KRT33A: variants seen among roughly 807,000 people sequenced by gnomAD.
KRT33A encodes keratin, type I cuticular Ha3-I.
KRT33A carries 44 observed loss-of-function variants against 41.1 expected under a neutral mutation model. That is an observed-to-expected ratio of 1.07 (90% confidence interval 0.84 to 1.38). KRT33A has a LOEUF of 1.38. Ranked by LOEUF, KRT33A falls within the 40% of genes most tolerant of loss-of-function variation. KRT33A has a pLI of 0.00. For synonymous variants in KRT33A, 229 were observed against 227.8 expected, an observed-to-expected ratio of 1.01 and a Z score of -0.05; for missense variants, 536 against 518.5, an observed-to-expected ratio of 1.03 and a Z score of -0.33.
In KRT33A at chr17:41,346,137, G is replaced by A; in HGVS notation, c.1197C>T (p.Cys399=). The change falls in exon 7 of 7, where the codon TGC becomes TGT. Residue 399 remains cysteine (C), a synonymous_variant. Coordinates refer to ENST00000007735, the MANE Select transcript of KRT33A (RefSeq NM_004138.4). Reference sequence around the variant, plus strand: ...GGGGCCTCTAGTACCCAAATGTGTTGCAAGGCCCACACCGAGCACGTAGGC... The same window carrying A: ...GGGGCCTCTAGTACCCAAATGTGTTACAAGGCCCACACCGAGCACGTAGGC... ...PCGLRARCGP[C]NTFGY The A allele has an allele frequency of 1.2e-6, 2 of 1,613,212 alleles. No homozygotes were observed. The highest frequency in any genetic ancestry group is 1.1e-5 in the South Asian group (1 of 91,058).
intron 6 of KRT33A, 60 bp from the exon 7 acceptor site, chr17:41,346,296 T>C (rs1041639744): frequency 7.0e-6 from 11 of 1,581,062 alleles, no homozygotes; most frequent in Non-Finnish European, 7.8e-6. Context: ...GATTGGAAAA[T>C]ACTAAAAGGG....
At chr17:41,348,365 G>T (rs938203512) in intron 3 of KRT33A, 118 bp downstream of exon 3, 20 of 1,014,822 alleles carry the variant, frequency 2.0e-5, no homozygotes, top group African/African-American at 6.5e-5. Flanking sequence ...ATCCCTTTTT[G>T]TATGCAGAAT....
chr17:41,350,366 C>A, intron 1 of KRT33A, 54 bp downstream of exon 1: 1 of 1,578,966 alleles, frequency 6.3e-7, no homozygotes, highest in Non-Finnish European at 8.6e-7. Context: ...AATCACAACT[C>A]GGATTCTCTC....
At chr17:41,348,294 G>A (rs2017453354) in intron 3 of KRT33A, among the ~76,000 whole-genome samples, 189 bp downstream of exon 3, 1 of 152,228 alleles carries the variant, frequency 6.6e-6, no homozygotes, top group Non-Finnish European at 1.5e-5. Context: ...TCTCATTCCT[G>A]CCTCTGGCAG....
chr17:41,348,762 GT>G, intron 2 of KRT33A, 123 bp from the exon 3 acceptor site: 3 of 1,046,128 alleles, frequency 2.9e-6, no homozygotes, highest in Non-Finnish European at 4.2e-6. Context: ...CATCTCTTTT[GT>G]TTAGGTTTTC....
rs368692539 is a variant in KRT33A at position 41,350,750 on chromosome 17, G to A, written c.18C>T (p.Gly6=). 8 of 1,611,588 alleles carry A rather than the reference G, an allele frequency of 5.0e-6. No individual in the cohort carries two copies. The highest frequency in any genetic ancestry group is 1.1e-5 in the South Asian group (1 of 90,970). MSYSC[G]LPSLSCRTSC... ...TGGTGCGGCAGCTCAGGCTGGGCAG[G>A]CCACAACTGTAAGACATGGTGCAGG... Residue 6 remains glycine (G), a synonymous_variant, in exon 1 of 7, where the codon GGC becomes GGT. Coordinates refer to ENST00000007735, the MANE Select transcript of KRT33A (RefSeq NM_004138.4).
At chr17:41,349,312 G>A (rs369103132) in intron 2 of KRT33A, 34 bp downstream of exon 2, 165 of 1,605,766 alleles carry the variant, frequency 1.0e-4, no homozygotes, top group Non-Finnish European at 1.3e-4. Context: ...CCAGAGAAGA[G>A]AAATAAACAG....
Position 41,350,657 on chromosome 17 carries a change from G to T in KRT33A, c.111C>A (p.Ile37=), listed in dbSNP as rs1415556836. 11 of 1,612,176 alleles carry T rather than the reference G, an allele frequency of 6.8e-6. No individual in the cohort carries two copies. Among genetic ancestry groups the T allele is most frequent in the Middle Eastern group, 1.9e-4 (1 of 5,342 alleles). The change falls in exon 1 of 7, where the codon ATC becomes ATA. Residue 37 remains isoleucine (I), a synonymous_variant. Transcript: ENST00000007735. ...HGCTLPGACN[I]PANVSNCNWF... ...AGTTGCAGTTGCTCACATTGGCGGG[G>T]ATGTTGCAGGCCCCGGGCAGGGTGC... is the stretch of plus-strand genomic sequence containing the variant.
Position 41,349,448 on chromosome 17 carries a change from C to A in KRT33A, c.349-20G>T, listed in dbSNP as rs368481260. 1.6e-4 allele frequency: 252 copies of A among 1,613,276 alleles called. No homozygotes were observed. The highest frequency in any genetic ancestry group is 2.0e-4 in the Non-Finnish European group (233 of 1,179,498). ...CAGGATCTAGAAGGCCCAAAACATT[C>A]AAGAATGAGCAAGGACTTGGTAATT... On this transcript the variant is annotated intron_variant, in intron 1 of 6. Transcript: ENST00000007735.
At chr17:41,347,254 A>G (rs2017440265) in intron 3 of KRT33A, 32 bp from the exon 4 acceptor site, 4 of 1,571,598 alleles carry the variant, frequency 2.5e-6, no homozygotes, top group African/African-American at 2.7e-5. Context: ...TTTAAATTTC[A>G]CAAAGGATCT....
chr17:41,346,713 A>G (rs375957624), intron 5 of KRT33A, 45 bp from the exon 6 acceptor site: 7 of 1,612,202 alleles, frequency 4.3e-6, no homozygotes, highest in East Asian at 2.2e-5. Context: ...GCTCCTTATA[A>G]GGTTCCTCCA....
chr17:41,346,452 A>T lies in KRT33A; in HGVS notation c.1093T>A (p.Cys365Ser). ...TYRSLLESED[C>S]KLPSNPCATT... is the part of the protein sequence containing the mutation. ...GATTACTACCCCCATACTGACTTGC[A>T]GTCCTCGCTCTCCAGCAGGCTCCGG... The change falls in exon 6 of 7, where the codon TGC (cysteine) becomes AGC (serine). Residue 365 changes from cysteine to serine, a missense_variant. By Grantham distance (112) the Cys-to-Ser change is moderately radical (BLOSUM62 -1). Transcript: ENST00000007735. 6.2e-7 allele frequency: 1 copy of T among 1,614,020 alleles called. No individual in the cohort carries two copies. The highest frequency in any genetic ancestry group is 1.7e-4 in the Middle Eastern group (1 of 6,016).
At chr17:41,347,731 T>C (rs2017446336) in intron 3 of KRT33A, among the ~76,000 whole-genome samples, 1 of 152,226 alleles carries the variant, frequency 6.6e-6, no homozygotes, top group African/African-American at 2.4e-5. Context: ...AAGTATCTGT[T>C]TACTTCCCTG....
In KRT33A at chr17:41,350,548, C is replaced by A. The variant is rs915785751; in HGVS notation, c.220G>T (p.Val74Leu). ...NDRLASYLEK[V>L]RQLERDNAEL... ...GCGTTGTCCCGCTCCAGCTGACGCA[C>A]CTTCTCCAGGTAGCTGGCCAGGCGG... is the stretch of plus-strand genomic sequence containing the variant. Residue 74 changes from valine to leucine, a missense_variant, in exon 1 of 7, where the codon GTG (valine) becomes TTG (leucine). By Grantham distance (32) the Val-to-Leu change is conservative. Coordinates refer to ENST00000007735, the MANE Select transcript of KRT33A (RefSeq NM_004138.4). 5 of 1,614,042 alleles carry A rather than the reference C, an allele frequency of 3.1e-6. No individual in the cohort carries two copies. Among genetic ancestry groups the A allele is most frequent in the Non-Finnish European group, 2.5e-6 (3 of 1,180,038 alleles).
At position 41,350,616 on chromosome 17, in the gene KRT33A, G is replaced by T. The variant is rs769976366; in HGVS notation, c.152C>A (p.Ser51Tyr). ...GGTCTCCTTCTCACTGCCATTGAAG[G>T]AGCCCTCACAGAACCAGTTGCAGTT... ...VSNCNWFCEG[S>Y]FNGSEKETMQ... Residue 51 changes from serine to tyrosine, a missense_variant, in exon 1 of 7, where the codon TCC becomes TAC. Coordinates refer to ENST00000007735, the MANE Select transcript of KRT33A (RefSeq NM_004138.4). The T allele has an allele frequency of 6.2e-7, 1 of 1,612,874 alleles. No homozygotes were observed. Among genetic ancestry groups the T allele is most frequent in the East Asian group, 2.2e-5 (1 of 44,878 alleles).
rs188538859 is a variant in KRT33A at position 41,348,935 on chromosome 17, C to T, written c.432-296G>A. 3.0e-3 allele frequency among the ~76,000 whole-genome samples: 458 copies of T among 152,120 alleles called. 1 individual carries two copies. Among genetic ancestry groups the T allele is most frequent in the African/African-American group, 0.01 (433 of 41,472 alleles). On this transcript the variant is annotated intron_variant, in intron 2 of 6. Coordinates refer to ENST00000007735, the MANE Select transcript of KRT33A (RefSeq NM_004138.4). Reference sequence around the variant, plus strand: ...ACTGAGCTATGATTGCACCACTGCCCTCCAGCCTGGGTGACAGAGCAAGGC... The same window carrying T: ...ACTGAGCTATGATTGCACCACTGCCTTCCAGCCTGGGTGACAGAGCAAGGC...
chr17:41,347,351 C>T (rs981262500), intron 3 of KRT33A, 129 bp from the exon 4 acceptor site: 2 of 1,124,812 alleles, frequency 1.8e-6, no homozygotes, highest in African/African-American at 1.6e-5. Context: ...CTGTCACTAA[C>T]CAGGATCTAT....
rs755502314 is a variant in KRT33A, at chr17:41,346,475, C to T, written c.1070G>A (p.Arg357Gln). 13 of 1,613,886 alleles carry T rather than the reference C, an allele frequency of 8.1e-6. No homozygotes were observed. The highest frequency in any genetic ancestry group is 4.5e-5 in the East Asian group (2 of 44,882). The change falls in exon 6 of 7, where the codon CGG becomes CAG. Residue 357 changes from arginine to glutamine, a missense_variant. By Grantham distance (43) the Arg-to-Gln change is conservative (BLOSUM62 1). Coordinates refer to ENST00000007735, the MANE Select transcript of KRT33A (RefSeq NM_004138.4). ...ARLECEINTY[R>Q]SLLESEDCKL... is the part of the protein sequence containing the mutation. ...GCAGTCCTCGCTCTCCAGCAGGCTC[C>T]GGTACGTGTTGATCTCACACTCCAG...
chr17:41,349,497 A>C, intron 1 of KRT33A, 69 bp from the exon 2 acceptor site: 1 of 1,502,312 alleles, frequency 6.7e-7, no homozygotes. Flanking sequence ...AGTCCTTCCT[A>C]ATTCACTTCC....
Sources: gnomAD v4.1 joint callset for allele counts (sites outside exome capture counted in the v4.1 genomes callset) on GRCh38, gnomAD v4.1.1 for gene constraint, MANE v1.5 for transcripts, NCBI Gene and HGNC (gene_info 2026-07-23, HGNC 2026-07-21) for gene names.